Variants in LAMA2 observed in about 807,000 individuals in gnomAD.
LAMA2 encodes the protein laminin subunit alpha 2, also known as laminin subunit alpha-2.
In LAMA2, 269 loss-of-function variants were observed where a neutral mutation model predicts 364.8. The ratio of observed to expected loss-of-function variants is 0.74; its 90% CI spans 0.67 to 0.82. LAMA2 has a LOEUF of 0.82. Among genes scored for constraint, LAMA2 ranks in the 40% least tolerant of loss-of-function variants. The pLI is 0.00. For missense variants in LAMA2, 3,807 were observed against 3,873.2 expected, an observed-to-expected ratio of 0.98 and a Z score of 0.45; for synonymous variants, 1,379 against 1,370.6, an observed-to-expected ratio of 1.01 and a Z score of -0.14.
rs545519662 is a variant in LAMA2 at position 129,085,601 on chromosome 6, T to C, written c.397-12572T>C. Among the ~76,000 whole-genome samples the C allele has an allele frequency of 5.9e-5, 9 of 152,306 alleles. No homozygotes were observed. The East Asian group carries it at 1.5e-3, about 26-fold the overall frequency. ...AATGTGAGGAACTTTGGAAGGAACA[T>C]GAGCAGCCAAACTTGCTAACAGCAA... On this transcript the variant is annotated intron_variant, in intron 3 of 64. Coordinates refer to ENST00000421865, the MANE Select transcript of LAMA2 (RefSeq NM_000426.4).
intron 28 of LAMA2, among the ~76,000 whole-genome samples, chr6:129,326,270 C>T (rs373167820): frequency 6.6e-6 from 1 of 152,148 alleles, no homozygotes; most frequent in Non-Finnish European, 1.5e-5. Context: ...AACTCTCCCC[C>T]AGAGGAATTG....
Position 129,415,952 on chromosome 6 carries a change from T to C in LAMA2, c.5866-11800T>C. ...AAATTATACACTTTCTTTCTTTTTT[T>C]TTTTTTTTTTTTTTGAGACGGAGTC... On this transcript the variant is annotated intron_variant, in intron 40 of 64. Coordinates refer to ENST00000421865, the MANE Select transcript of LAMA2 (RefSeq NM_000426.4). Among the ~76,000 whole-genome samples the C allele has an allele frequency of 2.6e-5, 2 of 78,224 alleles. 1 individual carries two copies. The highest frequency in any genetic ancestry group is 2.1e-4 in the Admixed American group (2 of 9,310). 51.3% of individuals were successfully genotyped at this position (78,224 alleles called of 152,430 possible). A position where few individuals can be genotyped will look rare whatever the true frequency, so the allele number is the denominator to read the frequency against.
intron 1 of LAMA2, among the ~76,000 whole-genome samples, chr6:128,905,048 G>C (rs1377619041): frequency 1.3e-5 from 2 of 152,144 alleles, no homozygotes. Context: ...GATATTGGTT[G>C]ACCAGTACTT....
At chr6:129,346,003 C>G (rs976442436) in intron 30 of LAMA2, among the ~76,000 whole-genome samples, 1 of 152,190 alleles carries the variant, frequency 6.6e-6, no homozygotes, top group Non-Finnish European at 1.5e-5. Flanking sequence ...TGACTTCAAT[C>G]TGTGCAGTCA....
intron 4 of LAMA2, among the ~76,000 whole-genome samples, chr6:129,128,041 A>G (rs1357512674): frequency 6.6e-6 from 1 of 152,086 alleles, no homozygotes; most frequent in East Asian, 1.9e-4. Context: ...TGTGGCCTAT[A>G]CTTTGGGGGT....
At position 129,379,053 on chromosome 6, in the gene LAMA2, G is replaced by T. The variant is rs184808123; in HGVS notation, c.4960-4069G>T. Among the ~76,000 whole-genome samples the T allele has an allele frequency of 2.0e-5, 3 of 152,316 alleles. No homozygotes were observed. The East Asian group carries it at 5.8e-4, about 29-fold the overall frequency. On this transcript the variant is annotated intron_variant, in intron 34 of 64. Coordinates refer to ENST00000421865, the MANE Select transcript of LAMA2 (RefSeq NM_000426.4). ...AAAAAAGAATGAGTTCATGTCCTTTGCAGGGACATGGATGGAGCTGGAGGA... is the reference window on the plus strand; with the variant it reads ...AAAAAAGAATGAGTTCATGTCCTTTTCAGGGACATGGATGGAGCTGGAGGA...
chr6:129,090,283 T>C (rs1046788216), intron 3 of LAMA2, among the ~76,000 whole-genome samples: 8 of 152,180 alleles, frequency 5.3e-5, no homozygotes, highest in African/African-American at 1.9e-4. Flanking sequence ...CCCCTCCAGA[T>C]TATTGGGAAG....
At chr6:128,979,625 C>G (rs1399352107) in intron 1 of LAMA2, among the ~76,000 whole-genome samples, 1 of 152,180 alleles carries the variant, frequency 6.6e-6, no homozygotes, top group South Asian at 2.1e-4. Flanking sequence ...GCTAACTCAC[C>G]TCTTGCAAGA....
intron 2 of LAMA2, among the ~76,000 whole-genome samples, chr6:129,056,300 A>AT (rs1253478308): frequency 1.2e-4 from 18 of 152,168 alleles, no homozygotes; most frequent in Non-Finnish European, 2.4e-4. Flanking sequence ...TTTATTTGGT[A>AT]TTTAGTTATG....
chr6:129,018,091 G>A (rs1168015810), intron 1 of LAMA2, among the ~76,000 whole-genome samples: 1 of 151,692 alleles, frequency 6.6e-6, no homozygotes, highest in Non-Finnish European at 1.5e-5. Context: ...TGCCTTGGAA[G>A]AAGAATGAAT....
chr6:128,961,796 A>G (rs913346129), intron 1 of LAMA2, among the ~76,000 whole-genome samples: 23 of 152,092 alleles, frequency 1.5e-4, no homozygotes, highest in African/African-American at 3.1e-4. Context: ...TGACACTTGT[A>G]TTAACCATCA....
chr6:128,883,372 T>A lies in LAMA2; in HGVS notation c.112+15T>A. The A allele has an allele frequency of 6.3e-7, 1 of 1,577,724 alleles. No individual in the cohort carries two copies. Among genetic ancestry groups the A allele is most frequent in the Non-Finnish European group, 8.6e-7 (1 of 1,161,830 alleles). On this transcript the variant is annotated intron_variant, in intron 1 of 64. Transcript: ENST00000421865. Reference sequence around the variant, plus strand: ...TCAGCAAAGAGGTACAGTCGAGGCATGGGCTTGGGTTGCATCCTTTGCCGG... The same window carrying A: ...TCAGCAAAGAGGTACAGTCGAGGCAAGGGCTTGGGTTGCATCCTTTGCCGG...
intron 34 of LAMA2, among the ~76,000 whole-genome samples, chr6:129,379,235 G>C (rs544013579): frequency 6.6e-6 from 1 of 152,036 alleles, no homozygotes; most frequent in South Asian, 2.1e-4. Flanking sequence ...ATGAGAGGAT[G>C]GAGAGGATTA....
intron 41 of LAMA2, 35 bp downstream of exon 41, chr6:129,427,889 T>TA (rs760637174): frequency 3.2e-5 from 42 of 1,292,928 alleles, no homozygotes; most frequent in Non-Finnish European, 4.4e-5. Flanking sequence ...ATATTCCAGT[T>TA]AATCGGGTTG....
At chr6:128,962,293 A>G (rs1781585712) in intron 1 of LAMA2, among the ~76,000 whole-genome samples, 1 of 150,996 alleles carries the variant, frequency 6.6e-6, no homozygotes, top group Admixed American at 6.6e-5. Flanking sequence ...AGGTTTAACC[A>G]AAGTCCTAGG....
At position 129,177,886 on chromosome 6, in the gene LAMA2, A is replaced by C. The variant is rs765523411; in HGVS notation, c.1467+20A>C. 12 of 1,610,894 alleles carry C rather than the reference A, an allele frequency of 7.4e-6. No homozygotes were observed. In the East Asian group the frequency reaches 2.5e-4, roughly 33 times the overall value. ...TGCAAGGTACATTGTTTATTCCAGTAATGTCCCACTGTCAAGACAGAAGGT... is the reference window on the plus strand; with the variant it reads ...TGCAAGGTACATTGTTTATTCCAGTCATGTCCCACTGTCAAGACAGAAGGT... On this transcript the variant is annotated intron_variant, in intron 10 of 64. Coordinates refer to ENST00000421865, the MANE Select transcript of LAMA2 (RefSeq NM_000426.4).
intron 1 of LAMA2, among the ~76,000 whole-genome samples, chr6:129,007,307 A>G (rs897849856): frequency 2.0e-5 from 3 of 152,136 alleles, no homozygotes; most frequent in Non-Finnish European, 4.4e-5. Flanking sequence ...TGTTTCCTCT[A>G]CTGTGGAGTG....
At chr6:128,926,887 G>T (rs1184775485) in intron 1 of LAMA2, among the ~76,000 whole-genome samples, 1 of 152,216 alleles carries the variant, frequency 6.6e-6, no homozygotes, top group African/African-American at 2.4e-5. Flanking sequence ...GTACACTTCA[G>T]CTCTGCTAAC....
intron 1 of LAMA2, among the ~76,000 whole-genome samples, chr6:129,021,309 CCCATGTAGACTTTTCT>C (rs1785436466): frequency 6.6e-6 from 1 of 152,138 alleles, no homozygotes; most frequent in African/African-American, 2.4e-5. Context: ...CAGCTACATT[CCCATGTAGACTTTTCT>C]TTATACAAAA....
Sources: gnomAD v4.1 joint callset for allele counts (sites outside exome capture counted in the v4.1 genomes callset) on GRCh38, gnomAD v4.1.1 for gene constraint, MANE v1.5 for transcripts, NCBI Gene and HGNC (gene_info 2026-07-23, HGNC 2026-07-21) for gene names.